LNP1: variants seen among roughly 807,000 people sequenced by gnomAD.
LNP1 encodes leukemia NUP98 fusion partner 1.
In LNP1, 12 loss-of-function variants were observed where a neutral mutation model predicts 14.5. The observed-to-expected ratio is 0.83, with a 90% confidence interval of 0.53 to 1.34. LNP1 has a LOEUF of 1.34. Ranked by LOEUF, LNP1 falls within the 40% of genes most tolerant of loss-of-function variation. The probability of loss-of-function intolerance (pLI) is 0.00; values close to 1 mark genes in which losing one functional copy is unlikely to be tolerated. For synonymous variants in LNP1, 75 were observed against 71.4 expected (o/e 1.05, Z -0.26); for missense variants, 198 against 210.9 (o/e 0.94, Z 0.38).
At chr3:100,438,530 T>C (rs1176293123) in intron 2 of LNP1, among the ~76,000 whole-genome samples, 1 of 152,206 alleles carries the variant, frequency 6.6e-6, no homozygotes, top group African/African-American at 2.4e-5. Flanking sequence ...GTACATTTTA[T>C]GGGTTTGTAC....
chr3:100,416,507 C>A (rs994539821), intron 1 of LNP1, among the ~76,000 whole-genome samples: 57 of 151,828 alleles, frequency 3.8e-4, no homozygotes, highest in Admixed American at 3.7e-3. Context: ...AGGCCATAAT[C>A]TGGGTGTTCA....
chr3:100,409,604 A>ATT (rs1357598408), intron 1 of LNP1, among the ~76,000 whole-genome samples: 21 of 87,638 alleles, frequency 2.4e-4, no homozygotes, highest in Non-Finnish European at 4.1e-4. Flanking sequence ...ATATATATAT[A>ATT]TATTTTTTTT....
At chr3:100,432,564 C>T (rs1707252762) in intron 2 of LNP1, among the ~76,000 whole-genome samples, 1 of 152,100 alleles carries the variant, frequency 6.6e-6, no homozygotes, top group Non-Finnish European at 1.5e-5. Context: ...TACTTTTTCC[C>T]CAGACTCATT....
Position 100,438,938 on chromosome 3 carries a change from G to A in LNP1, c.156+9053G>A, listed in dbSNP as rs140758426. 3.7e-3 allele frequency among the ~76,000 whole-genome samples: 560 copies of A among 152,246 alleles called. 2 individuals carry two copies. The highest frequency in any genetic ancestry group is 6.7e-3 in the Non-Finnish European group (455 of 68,020). Reference sequence around the variant, plus strand: ...CTTATTGGGGAAAATTACCTTAGAAGGGCATATAAAATTCCAAAAATAGAG... The same window carrying A: ...CTTATTGGGGAAAATTACCTTAGAAAGGCATATAAAATTCCAAAAATAGAG... On this transcript the variant is annotated intron_variant, in intron 2 of 3. Coordinates refer to ENST00000383693, the MANE Select transcript of LNP1 (RefSeq NM_001085451.2).
At position 100,451,817 on chromosome 3, in the gene LNP1, C is replaced by T; in HGVS notation, c.255C>T (p.Tyr85=). 1 of 899,202 alleles carries T rather than the reference C, an allele frequency of 1.1e-6. No homozygotes were observed. The highest frequency in any genetic ancestry group is 1.5e-6 in the Non-Finnish European group (1 of 688,016). The allele number at this position is 899,202 out of a possible 1,614,324, so 55.7% of individuals were successfully genotyped here. Residue 85 remains tyrosine, a synonymous_variant, in exon 3 of 4, where the codon TAC becomes TAT. Coordinates refer to ENST00000383693, the MANE Select transcript of LNP1 (RefSeq NM_001085451.2). ...GATGCCGTAGCCACGTACGGGATTA[C>T]AGAAAATACTCAGAGGATGGGTCAT... is the stretch of plus-strand genomic sequence containing the variant. The part of the protein sequence containing the change: ...EFRCRSHVRD[Y]RKYSEDGSFK...
intron 2 of LNP1, among the ~76,000 whole-genome samples, chr3:100,434,149 G>A (rs990245046): frequency 6.6e-6 from 1 of 152,176 alleles, no homozygotes; most frequent in Non-Finnish European, 1.5e-5. Context: ...CCACGCCTAT[G>A]TCCTGAATGC....
chr3:100,417,371 CTTTTTTTTT>C (rs562000656), intron 1 of LNP1, among the ~76,000 whole-genome samples: 1 of 64,628 alleles, frequency 1.5e-5, no homozygotes. Context: ...TTTCTTTTTT[CTTTTTTTTT>C]TTTTTTTTTT....
intron 2 of LNP1, among the ~76,000 whole-genome samples, chr3:100,447,382 A>T (rs1576236759): frequency 6.6e-6 from 1 of 151,936 alleles, no homozygotes; most frequent in African/African-American, 2.4e-5. Flanking sequence ...TCTCACTCAT[A>T]GGTGGGAATT....
chr3:100,402,450 A>C lies in LNP1; in HGVS notation c.-34+11A>C, dbSNP rs1004111421. ...TTTCTCCTGCTTCATGTAAGTTCCT[A>C]TTAGTAAATTGCCTTCAGGCAATAG... On this transcript the variant is annotated intron_variant, in intron 1 of 3. Transcript: ENST00000383693. 6.6e-6 allele frequency: 1 copy of C among 152,234 alleles called. No individual in the cohort carries two copies. Among genetic ancestry groups the C allele is most frequent in the African/African-American group, 2.4e-5 (1 of 41,456 alleles). 9.4% of individuals were successfully genotyped at this position (152,234 alleles called of 1,614,324 possible). A position where few individuals can be genotyped will look rare whatever the true frequency, so the allele number is the denominator to read the frequency against.
intron 1 of LNP1, among the ~76,000 whole-genome samples, chr3:100,428,664 A>G (rs762236713): frequency 6.6e-6 from 1 of 152,254 alleles, no homozygotes; most frequent in Non-Finnish European, 1.5e-5. Flanking sequence ...GACAGGGACT[A>G]TAAAATTTAT....
chr3:100,422,566 G>T (rs1373656801), intron 1 of LNP1, among the ~76,000 whole-genome samples: 1 of 152,136 alleles, frequency 6.6e-6, no homozygotes, highest in African/African-American at 2.4e-5. Context: ...TGGAGACAAA[G>T]CTACAGAGAT....
intron 2 of LNP1, among the ~76,000 whole-genome samples, chr3:100,440,244 T>A (rs955278911): frequency 1.3e-5 from 2 of 152,210 alleles, no homozygotes; most frequent in African/African-American, 4.8e-5. Flanking sequence ...GCCCTATAGC[T>A]AAGTGCAGTA....
At chr3:100,414,725 C>A (rs575444366) in intron 1 of LNP1, among the ~76,000 whole-genome samples, 1 of 152,250 alleles carries the variant, frequency 6.6e-6, no homozygotes, top group East Asian at 1.9e-4. Context: ...AGCTTAGAGT[C>A]ATCCCTGGCC....
At chr3:100,435,778 C>G (rs1031708905) in intron 2 of LNP1, among the ~76,000 whole-genome samples, 2 of 152,148 alleles carry the variant, frequency 1.3e-5, no homozygotes, top group African/African-American at 2.4e-5. Flanking sequence ...TCTGTGGACA[C>G]AGGAATTTTG....
rs1362056511 is a variant in LNP1, at chr3:100,429,758, A to G, written c.29A>G (p.Asp10Gly). The change falls in exon 2 of 4, where the codon GAT (aspartate) becomes GGT (glycine). Residue 10 changes from aspartate to glycine, a missense_variant. Transcript: ENST00000383693. Reference sequence around the variant, plus strand: ...GAGCACAAAGATGATGATGATGATGATGTGTCTTTTGCCAAATGGATGAGC... The same window carrying G: ...GAGCACAAAGATGATGATGATGATGGTGTGTCTTTTGCCAAATGGATGAGC... MEHKDDDDD[D>G]VSFAKWMSSF... 1 of 1,613,824 alleles carries G rather than the reference A, an allele frequency of 6.2e-7. No homozygotes were observed. Among genetic ancestry groups the G allele is most frequent in the African/African-American group, 1.3e-5 (1 of 74,992 alleles).
Position 100,429,734 on chromosome 3 carries a change from A to G in LNP1, c.5A>G (p.Glu2Gly). 6.2e-7 allele frequency: 1 copy of G among 1,613,712 alleles called. No homozygotes were observed. Among genetic ancestry groups the G allele is most frequent in the South Asian group, 1.1e-5 (1 of 91,040 alleles). M[E>G]HKDDDDDDVS... ...AGTATTTGGCATCACCTTTACATGG[A>G]GCACAAAGATGATGATGATGATGAT... The change falls in exon 2 of 4, where the codon GAG becomes GGG. Residue 2 changes from glutamate to glycine, a missense_variant. Coordinates refer to ENST00000383693, the MANE Select transcript of LNP1 (RefSeq NM_001085451.2).
chr3:100,444,481 A>T (rs1248706974), intron 2 of LNP1, among the ~76,000 whole-genome samples: 3 of 152,264 alleles, frequency 2.0e-5, no homozygotes, highest in Non-Finnish European at 4.4e-5. Flanking sequence ...GTATAATTGT[A>T]ATACCAACTA....
intron 2 of LNP1, among the ~76,000 whole-genome samples, chr3:100,432,025 TA>T: frequency 2.3e-5 from 1 of 43,656 alleles, no homozygotes; most frequent in African/African-American, 8.4e-5. Flanking sequence ...TATATATATA[TA>T]TATATATATA....
At position 100,451,903 on chromosome 3, in the gene LNP1, C is replaced by T; in HGVS notation, c.341C>T (p.Ser114Phe). The T allele has an allele frequency of 1.9e-6, 3 of 1,593,582 alleles. No homozygotes were observed. Among genetic ancestry groups the T allele is most frequent in the Non-Finnish European group, 2.6e-6 (3 of 1,170,718 alleles). The change falls in exon 3 of 4, where the codon TCC (serine) becomes TTC (phenylalanine). Residue 114 changes from serine (S) to phenylalanine (F), a missense_variant. Ser to Phe is a radical substitution (Grantham distance 155, BLOSUM62 -2). Coordinates refer to ENST00000383693, the MANE Select transcript of LNP1 (RefSeq NM_001085451.2). ...SHSKIEKFSE[S>F]FERQLCFRTK... ...TCCAAAATTGAGAAATTTTCAGAGT[C>T]CTTTGAACGGCAACTGTGCTTTAGA...
Sources: gnomAD v4.1 joint callset for allele counts (sites outside exome capture counted in the v4.1 genomes callset) on GRCh38, gnomAD v4.1.1 for gene constraint, MANE v1.5 for transcripts, NCBI Gene and HGNC (gene_info 2026-07-23, HGNC 2026-07-21) for gene names.